The following BTBD8 variants were observed in gnomAD, a reference collection of about 807,000 sequenced individuals.
The protein encoded by BTBD8 is BTB/POZ domain-containing protein 8.
A neutral mutation model predicts 162.9 loss-of-function variants in BTBD8; 110 were observed. The observed-to-expected ratio is 0.68, with a 90% CI of 0.58 to 0.79. BTBD8 has a LOEUF of 0.79. Among genes scored for constraint, BTBD8 ranks in the 30% least tolerant of loss-of-function variants. BTBD8 has a pLI of 0.00. For synonymous variants in BTBD8, 667 were observed against 716.1 expected, an observed-to-expected ratio of 0.93 and a Z score of 1.10; for missense variants, 1,905 against 2,085.4, an observed-to-expected ratio of 0.91 and a Z score of 1.68.
chr1:92,148,449 G>A (rs1570745408), intron 9 of BTBD8, among the ~76,000 whole-genome samples: 1 of 152,180 alleles, frequency 6.6e-6, no homozygotes. Context: ...GAAGCAGCTG[G>A]CTTGATAGTA....
chr1:92,086,682 C>T (rs191125049), intron 1 of BTBD8, among the ~76,000 whole-genome samples: 19 of 151,920 alleles, frequency 1.3e-4, no homozygotes, highest in Middle Eastern at 3.4e-3. Context: ...AGAGGTATGA[C>T]CCTTAAGAAA....
At position 92,080,861 on chromosome 1, in the gene BTBD8, A is replaced by AC. The variant is rs1557433084; in HGVS notation, c.149+141_149+142insC. The AC allele has an allele frequency of 5.2e-6, 7 of 1,338,684 alleles. No homozygotes were observed. In the African/African-American group the frequency reaches 9.0e-5, roughly 17 times the overall value. 82.9% of individuals were successfully genotyped at this position (1,338,684 alleles called of 1,614,324 possible). On this transcript the variant is annotated intron_variant, in intron 1 of 17. Transcript: ENST00000636805. Reference sequence around the variant, plus strand: ...CTCAGGCGACTGCGGGTCGTTAGCCAGTCTCCCCACTATTCCGAAAAGTGG... The same window carrying AC: ...CTCAGGCGACTGCGGGTCGTTAGCCACGTCTCCCCACTATTCCGAAAAGTGG...
chr1:92,183,900 G>C lies in BTBD8; in HGVS notation c.4949G>C (p.Arg1650Pro). Residue 1650 changes from arginine (R) to proline (P), a missense_variant, in exon 18 of 18, where the codon CGC becomes CCC. By Grantham distance (103) the Arg-to-Pro change is moderately radical. Transcript: ENST00000636805. ...IDDCDTLAQTRMYDHRPSKTL... is the reference protein window; with the variant it reads ...IDDCDTLAQTPMYDHRPSKTL... The stretch of plus-strand genomic sequence containing the variant: ...GATTGTGACACACTGGCACAAACCC[G>C]CATGTATGACCATCGGCCTTCAAAA... 7 of 1,550,686 alleles carry C rather than the reference G, an allele frequency of 4.5e-6. No individual in the cohort carries two copies. The highest frequency in any genetic ancestry group is 1.2e-5 in the South Asian group (1 of 83,984).
rs760572945 is a variant in BTBD8 at position 92,108,853 on chromosome 1, G to A, written c.662+852G>A. On this transcript the variant is annotated intron_variant, in intron 4 of 17. Transcript: ENST00000636805. ...ATTCTGGCGCTACTGAACAGAAAGA[G>A]CCAGAGTATTTGCAGTGGCAAGTGG... 1.5e-4 allele frequency among the ~76,000 whole-genome samples: 23 copies of A among 152,210 alleles called. 1 individual carries two copies. The highest frequency in any genetic ancestry group is 2.4e-5 in the African/African-American group (1 of 41,466).
chr1:92,085,072 T>A (rs1455454431), intron 1 of BTBD8, among the ~76,000 whole-genome samples: 2 of 152,240 alleles, frequency 1.3e-5, no homozygotes, highest in Non-Finnish European at 2.9e-5. Flanking sequence ...AATTTACTTA[T>A]GCTATTAAAT....
chr1:92,177,010 A>T lies in BTBD8; in HGVS notation c.1817A>T (p.Asp606Val), dbSNP rs967259602. The T allele has an allele frequency of 8.7e-5, 135 of 1,548,178 alleles. No individual in the cohort carries two copies. Among genetic ancestry groups the T allele is most frequent in the Admixed American group, 1.4e-4 (7 of 50,154 alleles). The change falls in exon 14 of 18, where the codon GAT becomes GTT. Residue 606 changes from aspartate (D) to valine (V), a missense_variant. This residue lies in a region of BTBD8 where 1,374 missense variants were observed against 1,442.7 expected (regional missense o/e 0.95). Transcript: ENST00000636805. ...NSINKTLKQDDVKEKDGTKIA... is the reference protein window; with the variant it reads ...NSINKTLKQDVVKEKDGTKIA... ...ATAAATAAAACTCTGAAGCAAGATG[A>T]TGTAAAGGAAAAAGATGGTACAAAA...
At position 92,104,076 on chromosome 1, in the gene BTBD8, T is replaced by C. The variant is rs115492577; in HGVS notation, c.544+1407T>C. On this transcript the variant is annotated intron_variant, in intron 3 of 17. Transcript: ENST00000636805. The stretch of plus-strand genomic sequence containing the variant: ...CTGAGTGCAGCTTTCTGCAATAACC[T>C]GGTGTTTCTCATCTGAATTTTGCAC... Among the ~76,000 whole-genome samples, 1,297 of 152,342 alleles carry C rather than the reference T, an allele frequency of 8.5e-3. 20 individuals are homozygous for C. Among genetic ancestry groups the C allele is most frequent in the African/African-American group, 0.029 (1,205 of 41,580 alleles).
At chr1:92,124,104 T>C (rs1649286672) in intron 4 of BTBD8, among the ~76,000 whole-genome samples, 1 of 152,228 alleles carries the variant, frequency 6.6e-6, no homozygotes, top group African/African-American at 2.4e-5. Flanking sequence ...CTTCTCAGCC[T>C]TCCAGCTGTT....
At chr1:92,139,319 T>TA in intron 5 of BTBD8, 31 bp from the exon 6 acceptor site, 1 of 1,545,944 alleles carries the variant, frequency 6.5e-7, no homozygotes, top group Non-Finnish European at 8.6e-7. Context: ...TAAACCTTAA[T>TA]TCTGGATTTG....
chr1:92,147,939 C>A, intron 9 of BTBD8, 153 bp downstream of exon 9: 1 of 642,706 alleles, frequency 1.6e-6, no homozygotes, highest in Non-Finnish European at 2.6e-6. Flanking sequence ...AGATTCAGTT[C>A]CTTTGAAACC....
At chr1:92,173,345 C>T (rs1052346190) in intron 13 of BTBD8, among the ~76,000 whole-genome samples, 6 of 152,154 alleles carry the variant, frequency 3.9e-5, no homozygotes, top group Non-Finnish European at 7.4e-5. Context: ...CTATGGAATA[C>T]GACTAGGGTC....
At chr1:92,159,072 T>G (rs1359526935) in intron 9 of BTBD8, among the ~76,000 whole-genome samples, 1 of 152,096 alleles carries the variant, frequency 6.6e-6, no homozygotes, top group East Asian at 1.9e-4. Flanking sequence ...TTTAAGTGAT[T>G]TATTCACTGC....
intron 1 of BTBD8, 23 bp downstream of exon 1, chr1:92,080,743 G>C: frequency 6.3e-7 from 1 of 1,598,460 alleles, no homozygotes; most frequent in Non-Finnish European, 8.5e-7. Context: ...GGGAACTCTG[G>C]CTGCTTCAGT....
intron 7 of BTBD8, among the ~76,000 whole-genome samples, chr1:92,142,933 C>T (rs1649811696): frequency 6.6e-6 from 1 of 152,178 alleles, no homozygotes; most frequent in South Asian, 2.1e-4. Context: ...GAATTTGACC[C>T]AGAAAATGGA....
chr1:92,181,065 G>A lies in BTBD8; in HGVS notation c.3382G>A (p.Val1128Ile). Residue 1128 changes from valine to isoleucine, a missense_variant, in exon 17 of 18, where the codon GTA (valine) becomes ATA (isoleucine). Val to Ile is a conservative substitution (Grantham distance 29, BLOSUM62 3). Transcript: ENST00000636805. Reference protein sequence around the residue: ...IHLISDRENQVGRKDTNKQSS... With the variant: ...IHLISDRENQIGRKDTNKQSS... ...TTTGATATCAGATAGGGAGAACCAA[G>A]TAGGGAGAAAAGATACAAACAAACA... 6.4e-7 allele frequency: 1 copy of A among 1,551,734 alleles called. No homozygotes were observed. The highest frequency in any genetic ancestry group is 8.7e-7 in the Non-Finnish European group (1 of 1,146,976).
intron 5 of BTBD8, among the ~76,000 whole-genome samples, chr1:92,137,138 G>A (rs1238374120): frequency 6.6e-6 from 1 of 152,184 alleles, no homozygotes; most frequent in Non-Finnish European, 1.5e-5. Flanking sequence ...TCTTGGAACA[G>A]CTGCTAGAGA....
intron 4 of BTBD8, among the ~76,000 whole-genome samples, chr1:92,119,287 CTT>C (rs905843721): frequency 2.0e-4 from 26 of 132,756 alleles, no homozygotes; most frequent in Non-Finnish European, 2.8e-4. Flanking sequence ...TTCTTTTTTT[CTT>C]TTTTTTTTTT....
At chr1:92,082,036 G>A (rs550507052) in intron 1 of BTBD8, among the ~76,000 whole-genome samples, 110 of 152,250 alleles carry the variant, frequency 7.2e-4, no homozygotes, top group African/African-American at 2.6e-3. Flanking sequence ...TGATGAAAAA[G>A]ATGGAAAAAA....
chr1:92,088,943 T>G, intron 2 of BTBD8, 48 bp downstream of exon 2: 1 of 1,418,538 alleles, frequency 7.0e-7, no homozygotes, highest in Non-Finnish European at 9.6e-7. Flanking sequence ...ATTGCTTATT[T>G]TTAACATGTA....
Sources: gnomAD v4.1 joint callset for allele counts (sites outside exome capture counted in the v4.1 genomes callset) on GRCh38, gnomAD v4.1.1 for gene constraint, gnomAD v4.1.1 regional missense constraint, MANE v1.5 for transcripts, NCBI Gene and HGNC (gene_info 2026-07-23, HGNC 2026-07-21) for gene names.